BBX: variants seen among roughly 807,000 people sequenced by gnomAD.
The protein encoded by BBX is BBX high mobility group box domain containing.
Under a neutral mutation model 100.2 loss-of-function variants are expected in BBX, and 30 were observed. The ratio of observed to expected loss-of-function variants is 0.30; its 90% CI spans 0.22 to 0.41. BBX has a LOEUF of 0.41. Ranked by LOEUF, BBX falls within the 10% of genes least tolerant of loss-of-function variation. The pLI, the probability that BBX is intolerant of heterozygous loss-of-function variation, is 1.00. For missense variants in BBX, 1,023 were observed against 1,129.8 expected (o/e 0.91, Z 1.35); for synonymous variants, 376 against 388.1 (o/e 0.97, Z 0.37).
At chr3:107,564,573 C>T (rs951373076) in intron 2 of BBX, among the ~76,000 whole-genome samples, 11 of 152,188 alleles carry the variant, frequency 7.2e-5, no homozygotes, top group African/African-American at 2.7e-4. Flanking sequence ...TCCCTCCCAT[C>T]ATCTCAATCC....
intron 10 of BBX, among the ~76,000 whole-genome samples, chr3:107,762,756 A>G (rs1471018127): frequency 1.3e-5 from 2 of 152,194 alleles, no homozygotes; most frequent in African/African-American, 2.4e-5. Context: ...TTTATAATAG[A>G]CAATGAAAGA....
intron 3 of BBX, chr3:107,662,459 C>G (rs898418755): frequency 1.3e-5 from 2 of 151,984 alleles, no homozygotes; most frequent in Non-Finnish European, 2.9e-5. Flanking sequence ...TTGAGACTTT[C>G]CATAAACATA....
intron 2 of BBX, among the ~76,000 whole-genome samples, chr3:107,558,461 C>G (rs548860419): frequency 6.6e-6 from 1 of 152,182 alleles, no homozygotes; most frequent in African/African-American, 2.4e-5. Context: ...ATACTTCAGC[C>G]TGGGGGACAG....
At chr3:107,676,464 C>G (rs979016558) in intron 3 of BBX, among the ~76,000 whole-genome samples, 5 of 152,118 alleles carry the variant, frequency 3.3e-5, no homozygotes, top group Admixed American at 2.0e-4. Flanking sequence ...ATACTGATTT[C>G]TAAATATCAG....
chr3:107,571,191 C>T (rs1476338588), intron 2 of BBX, among the ~76,000 whole-genome samples: 1 of 151,970 alleles, frequency 6.6e-6, no homozygotes, highest in South Asian at 2.1e-4. Context: ...GGTAGTGACA[C>T]GGAGAAGGGG....
chr3:107,564,594 G>A (rs1174724379), intron 2 of BBX, among the ~76,000 whole-genome samples: 1 of 152,154 alleles, frequency 6.6e-6, no homozygotes. Flanking sequence ...TCCACACAGG[G>A]GGTGGACAGT....
intron 2 of BBX, among the ~76,000 whole-genome samples, chr3:107,632,485 A>G (rs555660113): frequency 6.6e-6 from 1 of 152,318 alleles, no homozygotes; most frequent in East Asian, 1.9e-4. Context: ...TAAAGGAAAT[A>G]TGATTTTTTA....
At chr3:107,685,721 A>C (rs767967469) in intron 3 of BBX, among the ~76,000 whole-genome samples, 70 of 152,354 alleles carry the variant, frequency 4.6e-4, no homozygotes, top group Non-Finnish European at 9.1e-4. Context: ...ATAACCACAT[A>C]ATTTTTCATT....
At chr3:107,745,835 T>C (rs2064542134) in intron 8 of BBX, among the ~76,000 whole-genome samples, 1 of 152,172 alleles carries the variant, frequency 6.6e-6, no homozygotes, top group African/African-American at 2.4e-5. Flanking sequence ...GCTTAAGAGA[T>C]GATCCTTGAA....
intron 3 of BBX, among the ~76,000 whole-genome samples, chr3:107,687,133 A>T (rs2059893060): frequency 6.6e-6 from 1 of 152,194 alleles, no homozygotes; most frequent in South Asian, 2.1e-4. Context: ...GCACATCAGA[A>T]ATGTTTAAAA....
At chr3:107,526,286 C>T (rs1029563614) in intron 1 of BBX, 41 bp from the exon 2 acceptor site, 20 of 398,396 alleles carry the variant, frequency 5.0e-5, no homozygotes, top group Non-Finnish European at 8.4e-5. Context: ...ATTGTAAAGC[C>T]CTACTATACT....
rs141107710 is a variant in BBX at position 107,673,779 on chromosome 3, C to T, written c.-10+27870C>T. Among the ~76,000 whole-genome samples, 359 of 152,118 alleles carry T rather than the reference C, an allele frequency of 2.4e-3. 1 individual carries two copies. Among genetic ancestry groups the T allele is most frequent in the African/African-American group, 5.4e-3 (226 of 41,508 alleles). On this transcript the variant is annotated intron_variant, in intron 3 of 17. Transcript: ENST00000325805. ...TCTTGAAAATTATCATAAAATACTA[C>T]ATGTAGAACTATTTTTAAAATAAAG... is the stretch of plus-strand genomic sequence containing the variant.
At chr3:107,772,077 C>T (rs1051229328) in intron 10 of BBX, among the ~76,000 whole-genome samples, 6 of 113,402 alleles carry the variant, frequency 5.3e-5, no homozygotes, top group Admixed American at 1.0e-4. Flanking sequence ...AAGTATATAA[C>T]GCAAACATTC....
At chr3:107,541,434 A>T (rs2048853724) in intron 2 of BBX, among the ~76,000 whole-genome samples, 2 of 152,206 alleles carry the variant, frequency 1.3e-5, no homozygotes, top group Admixed American at 1.3e-4. Context: ...ACAAAATATC[A>T]GTTAAGGCCC....
At chr3:107,633,603 T>G (rs2056679211) in intron 2 of BBX, among the ~76,000 whole-genome samples, 1 of 152,220 alleles carries the variant, frequency 6.6e-6, no homozygotes, top group African/African-American at 2.4e-5. Flanking sequence ...ATAAAGAATC[T>G]TGAAATGTTA....
chr3:107,589,207 A>T (rs1350781384), intron 2 of BBX, among the ~76,000 whole-genome samples: 1 of 152,230 alleles, frequency 6.6e-6, no homozygotes, highest in African/African-American at 2.4e-5. Flanking sequence ...CTTGTTATTT[A>T]CACTTAGTGA....
chr3:107,536,868 A>G (rs2048529841), intron 2 of BBX, among the ~76,000 whole-genome samples: 3 of 152,136 alleles, frequency 2.0e-5, no homozygotes, highest in Admixed American at 6.5e-5. Flanking sequence ...AATATCTATC[A>G]TATAAATTAA....
intron 3 of BBX, among the ~76,000 whole-genome samples, chr3:107,696,736 T>C (rs1398665976): frequency 1.1e-4 from 16 of 151,610 alleles, no homozygotes; most frequent in South Asian, 2.1e-4. Context: ...TGAATCTGAA[T>C]GTTGGCCTGC....
chr3:107,544,410 A>G lies in BBX; in HGVS notation c.-84+18012A>G, dbSNP rs114604181. On this transcript the variant is annotated intron_variant, in intron 2 of 17. Transcript: ENST00000325805. ...ATCTCTTAGGGTTCTAGAACATAGC[A>G]TGACTTCCACAGATGTATACAGAGA... 7.1e-3 allele frequency among the ~76,000 whole-genome samples: 1,082 copies of G among 152,306 alleles called. 13 individuals are homozygous for G. The highest frequency in any genetic ancestry group is 0.025 in the African/African-American group (1,037 of 41,548).
Sources: gnomAD v4.1 joint callset for allele counts (sites outside exome capture counted in the v4.1 genomes callset) on GRCh38, gnomAD v4.1.1 for gene constraint, MANE v1.5 for transcripts, NCBI Gene and HGNC (gene_info 2026-07-23, HGNC 2026-07-21) for gene names.